SEC14L4: variants seen among roughly 807,000 people sequenced by gnomAD.
SEC14L4 encodes the protein SEC14-like protein 4.
A neutral mutation model predicts 55.1 loss-of-function variants in SEC14L4; 42 were observed. That is an observed-to-expected ratio of 0.76 (90% CI 0.60 to 0.99). The LOEUF (loss-of-function observed/expected upper bound fraction) is 0.99. SEC14L4 is among the 50% of genes least tolerant of loss of function. SEC14L4 has a pLI of 0.00. For missense variants in SEC14L4, 445 were observed against 512.1 expected (o/e 0.87, Z 1.27); for synonymous variants, 206 against 206.8 (o/e 1.00, Z 0.03).
chr22:30,491,389 T>C, intron 11 of SEC14L4, 184 bp downstream of exon 11: 1 of 665,732 alleles, frequency 1.5e-6, no homozygotes, highest in South Asian at 2.0e-5. Context: ...TACCAGCTCT[T>C]CCCCCACAAT....
chr22:30,492,343 G>T, intron 8 of SEC14L4, 131 bp downstream of exon 8: 1 of 1,122,540 alleles, frequency 8.9e-7, no homozygotes, highest in Non-Finnish European at 1.3e-6. Context: ...TTGCCCGTGC[G>T]TGTGGAGGCT....
chr22:30,489,731 G>A lies in SEC14L4; in HGVS notation c.*376C>T, dbSNP rs868118128. 4.8e-5 allele frequency: 40 copies of A among 827,052 alleles called. No homozygotes were observed. Among genetic ancestry groups the A allele is most frequent in the South Asian group, 2.6e-4 (17 of 65,846 alleles). The allele number at this position is 827,052 out of a possible 1,614,324, so 51.2% of individuals were successfully genotyped here. On this transcript the variant is annotated 3_prime_UTR_variant, in exon 12 of 12. Transcript: ENST00000255858. ...GATGTCCACAGGACCTAGGAACCAC[G>A]CACACCCCCTGAAGCTGGAACACCA...
intron 6 of SEC14L4, 149 bp from the exon 7 acceptor site, chr22:30,494,359 TC>T: frequency 1.5e-6 from 1 of 667,070 alleles, no homozygotes; most frequent in African/African-American, 1.8e-5. Flanking sequence ...TCTCTGTTAT[TC>T]TTTTTTTGTT....
intron 2 of SEC14L4, among the ~76,000 whole-genome samples, chr22:30,501,554 G>A (rs1936320622): frequency 6.6e-6 from 1 of 152,192 alleles, no homozygotes; most frequent in Admixed American, 6.5e-5. Context: ...CAGCCAAGGG[G>A]GCTTAAGGAG....
chr22:30,505,623 G>A lies in SEC14L4; in HGVS notation c.-12C>T, dbSNP rs1489185893. 6.5e-7 allele frequency: 1 copy of A among 1,548,760 alleles called. No homozygotes were observed. The highest frequency in any genetic ancestry group is 2.4e-5 in the East Asian group (1 of 41,622). ...ACTCGGCTGCTCATGGTGCCCGCGG[G>A]CGCAGAAAGGCTCAGGGCGCAGGTC... is the stretch of plus-strand genomic sequence containing the variant. On this transcript the variant is annotated 5_prime_UTR_variant, in exon 1 of 12. Coordinates refer to ENST00000255858, the MANE Select transcript of SEC14L4 (RefSeq NM_174977.4).
At chr22:30,495,492 C>T (rs1171814344) in intron 4 of SEC14L4, 50 bp from the exon 5 acceptor site, 1 of 1,605,792 alleles carries the variant, frequency 6.2e-7, no homozygotes. Context: ...CAGGCTGGGT[C>T]CCTACTCCAT....
chr22:30,497,706 C>T (rs540481423), intron 2 of SEC14L4, among the ~76,000 whole-genome samples: 47 of 152,286 alleles, frequency 3.1e-4, no homozygotes, highest in African/African-American at 1.1e-3. Context: ...TACATGTTAT[C>T]TCTTGTCAAT....
chr22:30,494,821 G>T, intron 6 of SEC14L4, 45 bp downstream of exon 6: 1 of 1,277,712 alleles, frequency 7.8e-7, no homozygotes, highest in Non-Finnish European at 1.1e-6. Flanking sequence ...GCTCACAGCT[G>T]GGAGCCACTG....
intron 7 of SEC14L4, chr22:30,492,783 TCAATA>T (rs1261076865): frequency 4.0e-6 from 2 of 494,500 alleles, no homozygotes; most frequent in African/African-American, 3.9e-5. Context: ...TTCCTGGCTT[TCAATA>T]AATGGTTGTC....
Position 30,505,686 on chromosome 22 carries a change from G to T in SEC14L4, c.-75C>A. On this transcript the variant is annotated 5_prime_UTR_variant, in exon 1 of 12. Transcript: ENST00000255858. ...GCCGCCTGGCCTTGTATCCGCTGCC[G>T]CCTGGTTGTGCCTCCTGGGCCAGAT... The T allele has an allele frequency of 2.2e-6, 3 of 1,361,646 alleles. No individual in the cohort carries two copies. The highest frequency in any genetic ancestry group is 2.7e-5 in the South Asian group (2 of 73,634). The allele number at this position is 1,361,646 out of a possible 1,614,324, so 84.3% of individuals were successfully genotyped here. A position where few individuals can be genotyped will look rare whatever the true frequency, so the allele number is the denominator to read the frequency against.
Position 30,495,922 on chromosome 22 carries a change from C to T in SEC14L4, c.174+6G>A. 6 of 1,613,852 alleles carry T rather than the reference C, an allele frequency of 3.7e-6. No individual in the cohort carries two copies. Among genetic ancestry groups the T allele is most frequent in the Non-Finnish European group, 4.2e-6 (5 of 1,179,866 alleles). On this transcript the variant is annotated splice_donor_region_variant and intron_variant, in intron 3 of 11. Transcript: ENST00000255858. ...AGGCAGGGCAGTAGGGATCACAGAT[C>T]CTTACCCTTCGGAGCATGTCTTCGG...
chr22:30,497,311 C>T (rs1601850640), intron 2 of SEC14L4, among the ~76,000 whole-genome samples: 1 of 151,972 alleles, frequency 6.6e-6, no homozygotes, highest in African/African-American at 2.4e-5. Flanking sequence ...TGCACTCCAG[C>T]CTGGGGGACA....
Position 30,490,130 on chromosome 22 carries a change from T to A in SEC14L4, c.1198A>T (p.Met400Leu), listed in dbSNP as rs987385398. ...SEETLQSLKA[M>L]RPSPTQ ...CTTCACTGTGTTGGGGAGGGTCTCA[T>A]CGCCTTGAGACTCTGCAGCGTCTCC... is the stretch of plus-strand genomic sequence containing the variant. Residue 400 changes from methionine to leucine, a missense_variant, in exon 12 of 12, where the codon ATG becomes TTG. Transcript: ENST00000255858. The A allele has an allele frequency of 6.2e-7, 1 of 1,614,076 alleles. No homozygotes were observed. Among genetic ancestry groups the A allele is most frequent in the Non-Finnish European group, 8.5e-7 (1 of 1,179,966 alleles).
rs767593600 is a variant in SEC14L4 at position 30,495,375 on chromosome 22, T to C, written c.302A>G (p.Asn101Ser). 6.2e-7 allele frequency: 1 copy of C among 1,614,072 alleles called. No individual in the cohort carries two copies. Among genetic ancestry groups the C allele is most frequent in the Admixed American group, 1.7e-5 (1 of 60,012 alleles). The stretch of plus-strand genomic sequence containing the variant: ...CTTGGGGTCGAGGGACCCAATGATG[T>C]TGAAGTACACAGGGCAGCCTTCGTA... ...YDYEGCPVYF[N>S]IIGSLDPKGL... Residue 101 changes from asparagine (N) to serine (S), a missense_variant, in exon 5 of 12, where the codon AAC becomes AGC. Transcript: ENST00000255858.
intron 1 of SEC14L4, among the ~76,000 whole-genome samples, chr22:30,505,281 C>T (rs998589121): frequency 6.6e-6 from 1 of 152,206 alleles, no homozygotes; most frequent in Non-Finnish European, 1.5e-5. Flanking sequence ...GCGCCACTCC[C>T]TCCCCCACAA....
At chr22:30,492,951 G>C (rs965233839) in intron 7 of SEC14L4, 2 of 191,644 alleles carry the variant, frequency 1.0e-5, no homozygotes, top group Admixed American at 1.1e-4. Flanking sequence ...GAGCGTAGTG[G>C]TGCATGCTTG....
chr22:30,498,124 CTTTTTTT>C (rs869157636), intron 2 of SEC14L4, among the ~76,000 whole-genome samples: 5 of 98,348 alleles, frequency 5.1e-5, no homozygotes, highest in Non-Finnish European at 5.9e-5. Flanking sequence ...TTTTCATTAT[CTTTTTTT>C]TTTTTTTTTT....
rs568711879 is a variant in SEC14L4 at position 30,496,353 on chromosome 22, G to A, written c.131-382C>T. On this transcript the variant is annotated intron_variant, in intron 2 of 11. Transcript: ENST00000255858. Reference sequence around the variant, plus strand: ...TGCCCAGGCTGGTCTTGAACTCCTGGCCTCAAGCAGTCCTCCCACCTCAGC... The same window carrying A: ...TGCCCAGGCTGGTCTTGAACTCCTGACCTCAAGCAGTCCTCCCACCTCAGC... Among the ~76,000 whole-genome samples the A allele has an allele frequency of 5.9e-5, 9 of 152,050 alleles. 1 individual carries two copies. The South Asian group carries it at 1.9e-3, about 32-fold the overall frequency.
chr22:30,497,687 TCAAA>T (rs932222785), intron 2 of SEC14L4, among the ~76,000 whole-genome samples: 10 of 152,082 alleles, frequency 6.6e-5, no homozygotes, highest in Non-Finnish European at 1.0e-4. Context: ...TCATCAGAGG[TCAAA>T]CAAATACATG....
Sources: gnomAD v4.1 joint callset for allele counts (sites outside exome capture counted in the v4.1 genomes callset) on GRCh38, gnomAD v4.1.1 for gene constraint, MANE v1.5 for transcripts, NCBI Gene and HGNC (gene_info 2026-07-23, HGNC 2026-07-21) for gene names.